Variants in RABGAP1L observed in about 807,000 individuals in gnomAD.
RABGAP1L encodes the protein RAB GTPase activating protein 1 like.
Under a neutral mutation model 137.7 loss-of-function variants are expected in RABGAP1L, and 63 were observed. The ratio of observed to expected loss-of-function variants is 0.46; its 90% CI spans 0.37 to 0.56. The LOEUF (loss-of-function observed/expected upper bound fraction) is 0.56, where lower values mean the gene tolerates loss of function less well. RABGAP1L is among the 20% of genes least tolerant of loss of function. The pLI, the probability that RABGAP1L is intolerant of heterozygous loss-of-function variation, is 0.00. For synonymous variants in RABGAP1L, 431 were observed against 433.7 expected, an observed-to-expected ratio of 0.99 and a Z score of 0.08; for missense variants, 1,095 against 1,244.0, an observed-to-expected ratio of 0.88 and a Z score of 1.80.
chr1:174,313,022 A>G (rs980852980), intron 11 of RABGAP1L, among the ~76,000 whole-genome samples: 1 of 152,072 alleles, frequency 6.6e-6, no homozygotes, highest in Admixed American at 6.6e-5. Context: ...GTTTGAAGTC[A>G]GTTGTGATTC....
At chr1:174,921,312 G>GT (rs927500904) in intron 19 of RABGAP1L, among the ~76,000 whole-genome samples, 13 of 152,194 alleles carry the variant, frequency 8.5e-5, no homozygotes, top group Non-Finnish European at 1.3e-4. Flanking sequence ...GTTTTGTTTT[G>GT]TTTTTTTAAA....
intron 7 of RABGAP1L, among the ~76,000 whole-genome samples, chr1:174,255,682 G>T (rs181217254): frequency 1.3e-5 from 2 of 152,182 alleles, no homozygotes; most frequent in Non-Finnish European, 2.9e-5. Flanking sequence ...GCCCTACAAC[G>T]CCTGGCTAAT....
At chr1:174,322,700 T>C (rs751607796) in intron 11 of RABGAP1L, among the ~76,000 whole-genome samples, 12 of 152,280 alleles carry the variant, frequency 7.9e-5, no homozygotes, top group Middle Eastern at 3.4e-3. Context: ...ATTGTGTGAT[T>C]CTACTGTATT....
intron 13 of RABGAP1L, among the ~76,000 whole-genome samples, chr1:174,550,983 C>CATATATATATATATAT (rs1240073255): frequency 3.6e-5 from 3 of 83,424 alleles, no homozygotes; most frequent in Non-Finnish European, 3.9e-5. Context: ...TGTATATATA[C>CATATATATATATATAT]ATATATATAT....
intron 13 of RABGAP1L, among the ~76,000 whole-genome samples, chr1:174,500,598 A>T (rs942389940): frequency 3.9e-5 from 6 of 152,220 alleles, no homozygotes; most frequent in African/African-American, 1.4e-4. Flanking sequence ...TGTGATAAGT[A>T]TTATAGAAGT....
At chr1:174,775,496 A>G (rs2148743998) in intron 18 of RABGAP1L, among the ~76,000 whole-genome samples, 1 of 152,146 alleles carries the variant, frequency 6.6e-6, no homozygotes, top group South Asian at 2.1e-4. Context: ...TGTTTTTAGT[A>G]GAGACAGGGT....
intron 17 of RABGAP1L, among the ~76,000 whole-genome samples, chr1:174,734,676 AG>A (rs1291200725): frequency 6.6e-6 from 1 of 152,222 alleles, no homozygotes; most frequent in Admixed American, 6.5e-5. Flanking sequence ...GTTGGATTGT[AG>A]AACTCTTTAC....
chr1:174,936,702 A>G (rs1010836366), intron 19 of RABGAP1L, among the ~76,000 whole-genome samples: 2 of 152,332 alleles, frequency 1.3e-5, no homozygotes, highest in Admixed American at 1.3e-4. Flanking sequence ...CCCTAACACT[A>G]ACTTAATCAA....
chr1:174,637,403 G>C lies in RABGAP1L; in HGVS notation c.1739G>C (p.Arg580Pro). 6.2e-7 allele frequency: 1 copy of C among 1,612,298 alleles called. No individual in the cohort carries two copies. Among genetic ancestry groups the C allele is most frequent in the Non-Finnish European group, 8.5e-7 (1 of 1,178,502 alleles). Residue 580 changes from arginine (R) to proline (P), a missense_variant, in exon 14 of 26, where the codon CGA (arginine) becomes CCA (proline). Physicochemically the swap from Arg to Pro is moderately radical, Grantham distance 103. Around this residue, in one of 4 missense-constraint regions of RABGAP1L, gnomAD observed 315 missense variants for 324.8 expected, o/e 0.97. Coordinates refer to ENST00000681986, the MANE Select transcript of RABGAP1L (RefSeq NM_001366446.1). ...KDSAQESVIT[R>P]DIHRTFPAHD... ...TCAGCCCAGGAGAGTGTTATTACTC[G>C]AGATATTCATCGTACATTTCCCGCA...
chr1:174,545,479 C>T (rs1665927899), intron 13 of RABGAP1L: 1 of 152,316 alleles, frequency 6.6e-6, no homozygotes, highest in Non-Finnish European at 1.5e-5. Flanking sequence ...TGGGAGGGTC[C>T]CGATTTTCCA....
chr1:174,342,346 T>C (rs1297964462), intron 11 of RABGAP1L, among the ~76,000 whole-genome samples: 3 of 152,094 alleles, frequency 2.0e-5, no homozygotes, highest in African/African-American at 7.2e-5. Context: ...ATAATAGCAT[T>C]TTCTATTTTT....
At position 174,253,090 on chromosome 1, in the gene RABGAP1L, G is replaced by A. The variant is rs140793646; in HGVS notation, c.986+500G>A. On this transcript the variant is annotated intron_variant, in intron 7 of 25. Coordinates refer to ENST00000681986, the MANE Select transcript of RABGAP1L (RefSeq NM_001366446.1). ...AATGATAGTTCTGGAAAAAATATTC[G>A]TAATGTAGATGACAGGAAAAGGTAA... Among the ~76,000 whole-genome samples, 111 of 152,188 alleles carry A rather than the reference G, an allele frequency of 7.3e-4. 1 individual carries two copies. In the East Asian group the frequency reaches 0.019, roughly 26 times the overall value.
intron 18 of RABGAP1L, among the ~76,000 whole-genome samples, chr1:174,779,853 G>C (rs1434115089): frequency 6.6e-6 from 1 of 151,886 alleles, no homozygotes; most frequent in African/African-American, 2.4e-5. Context: ...ATCACCTGAG[G>C]TCAGGAGTTT....
chr1:174,251,365 T>TA (rs1672702867), intron 6 of RABGAP1L, among the ~76,000 whole-genome samples: 1 of 148,534 alleles, frequency 6.7e-6, no homozygotes, highest in Non-Finnish European at 1.5e-5. Context: ...TAACCATTTC[T>TA]TTTTTTTTTG....
chr1:174,168,092 C>G (rs916891074), intron 1 of RABGAP1L, among the ~76,000 whole-genome samples: 1 of 151,790 alleles, frequency 6.6e-6, no homozygotes, highest in Non-Finnish European at 1.5e-5. Flanking sequence ...TGGTGAAACC[C>G]CACCTCTGCT....
intron 11 of RABGAP1L, among the ~76,000 whole-genome samples, chr1:174,369,013 T>C (rs865811997): frequency 1.8e-4 from 28 of 152,306 alleles, no homozygotes; most frequent in Middle Eastern, 3.4e-3. Context: ...TCAAATAGCC[T>C]GAAACCTTGG....
intron 13 of RABGAP1L, among the ~76,000 whole-genome samples, chr1:174,621,286 A>T (rs1672438458): frequency 6.6e-6 from 1 of 152,210 alleles, no homozygotes; most frequent in Non-Finnish European, 1.5e-5. Flanking sequence ...CCCCAAGGTA[A>T]TTTATAGATT....
At position 174,322,972 on chromosome 1, in the gene RABGAP1L, C is replaced by T. The variant is rs142856388; in HGVS notation, c.1465+17845C>T. The stretch of plus-strand genomic sequence containing the variant: ...TTTCAGGTAATGTCATCCAAAAATG[C>T]CATTTTTTTTAGAAATGAAAAATAC... On this transcript the variant is annotated intron_variant, in intron 11 of 25. Transcript: ENST00000681986. Among the ~76,000 whole-genome samples, 187 of 152,108 alleles carry T rather than the reference C, an allele frequency of 1.2e-3. 1 individual carries two copies. Among genetic ancestry groups the T allele is most frequent in the African/African-American group, 4.0e-3 (167 of 41,510 alleles).
At chr1:174,857,919 T>C (rs1338602121) in intron 19 of RABGAP1L, among the ~76,000 whole-genome samples, 1 of 152,238 alleles carries the variant, frequency 6.6e-6, no homozygotes, top group Non-Finnish European at 1.5e-5. Flanking sequence ...TGGTCTGAAA[T>C]TATAAAAAAT....
Sources: allele counts gnomAD v4.1 joint callset (sites outside exome capture counted in the v4.1 genomes callset), GRCh38; gene constraint gnomAD v4.1.1; regional missense constraint gnomAD v4.1.1; transcripts MANE v1.5; gene names NCBI Gene and HGNC (gene_info 2026-07-23, HGNC 2026-07-21).